LAMC1: variants seen among roughly 807,000 people sequenced by gnomAD.
The protein encoded by LAMC1 is laminin subunit gamma 1, also known as laminin subunit gamma-1.
In LAMC1, 38 loss-of-function variants were observed where a neutral mutation model predicts 173.6. The ratio of observed to expected loss-of-function variants is 0.22; its 90% CI spans 0.17 to 0.29. The LOEUF is 0.29. LAMC1 is among the 10% of genes least tolerant of loss of function. The pLI, the probability that LAMC1 is intolerant of heterozygous loss-of-function variation, is 1.00. For synonymous variants in LAMC1, 746 were observed against 749.1 expected (o/e 1.00, Z 0.07); for missense variants, 1,824 against 2,051.8 (o/e 0.89, Z 2.14).
intron 1 of LAMC1, among the ~76,000 whole-genome samples, chr1:183,047,989 C>G (rs1296964490): frequency 6.6e-6 from 1 of 152,002 alleles, no homozygotes; most frequent in Admixed American, 6.6e-5. Flanking sequence ...CCATCTCTGC[C>G]AACGCTGCCT....
At chr1:183,070,539 C>T (rs1654985044) in intron 1 of LAMC1, among the ~76,000 whole-genome samples, 1 of 152,044 alleles carries the variant, frequency 6.6e-6, no homozygotes, top group African/African-American at 2.4e-5. Flanking sequence ...GGATATACTA[C>T]CATTTGTATT....
intron 6 of LAMC1, among the ~76,000 whole-genome samples, chr1:183,116,374 G>A (rs1207743356): frequency 6.6e-6 from 1 of 151,984 alleles, no homozygotes; most frequent in Non-Finnish European, 1.5e-5. Context: ...CTACTCAGGA[G>A]GCTGAGGCAG....
intron 20 of LAMC1, 48 bp from the exon 21 acceptor site, chr1:183,132,352 C>T: frequency 7.0e-7 from 1 of 1,437,492 alleles, no homozygotes; most frequent in Non-Finnish European, 9.6e-7. Flanking sequence ...TACTTATGTC[C>T]CTATCAGATG....
At chr1:183,133,301 C>A in intron 21 of LAMC1, 105 bp from the exon 22 acceptor site, 1 of 913,216 alleles carries the variant, frequency 1.1e-6, no homozygotes. Context: ...GTAGCATTTC[C>A]TTTGAGGTTT....
intron 1 of LAMC1, among the ~76,000 whole-genome samples, chr1:183,096,345 C>A (rs1178966960): frequency 6.6e-6 from 1 of 152,198 alleles, no homozygotes; most frequent in Non-Finnish European, 1.5e-5. Flanking sequence ...GATAATCATA[C>A]CATTATTTTT....
intron 1 of LAMC1, among the ~76,000 whole-genome samples, chr1:183,100,109 A>G (rs1034979070): frequency 5.9e-5 from 9 of 152,172 alleles, no homozygotes; most frequent in African/African-American, 1.2e-4. Flanking sequence ...GCAGCTCCCT[A>G]TCGCCTTTGT....
chr1:183,077,203 A>C (rs1433476907), intron 1 of LAMC1, among the ~76,000 whole-genome samples: 1 of 152,164 alleles, frequency 6.6e-6, no homozygotes, highest in Non-Finnish European at 1.5e-5. Flanking sequence ...TGCTTGGTGA[A>C]AGTCTTAGGG....
Position 183,023,639 on chromosome 1 carries a change from C to T in LAMC1, c.-78C>T, listed in dbSNP as rs1653595470. 1.9e-6 allele frequency: 2 copies of T among 1,079,084 alleles called. No individual in the cohort carries two copies. Among genetic ancestry groups the T allele is most frequent in the South Asian group, 4.6e-5 (1 of 21,646 alleles). 66.8% of individuals were successfully genotyped at this position (1,079,084 alleles called of 1,614,324 possible). ...CCCCCAGGCTCAAGCAGCGAAGCGG[C>T]CTCCGGGGGACGCCGCTAGGCGAGA... On this transcript the variant is annotated 5_prime_UTR_variant, in exon 1 of 28. Transcript: ENST00000258341.
At position 183,143,662 on chromosome 1, in the gene LAMC1, C is replaced by T. The variant is rs1288874904; in HGVS notation, c.*872C>T. Reference sequence around the variant, plus strand: ...TTCAAAATCAAACTAATTCTTACAGCTTTTTTATTAGTTAGTCTTGGAACT... The same window carrying T: ...TTCAAAATCAAACTAATTCTTACAGTTTTTTTATTAGTTAGTCTTGGAACT... On this transcript the variant is annotated 3_prime_UTR_variant, in exon 28 of 28. Transcript: ENST00000258341. The T allele has an allele frequency of 6.6e-6, 1 of 152,210 alleles. No individual in the cohort carries two copies. The highest frequency in any genetic ancestry group is 1.5e-5 in the Non-Finnish European group (1 of 68,024). The allele number at this position is 152,210 out of a possible 1,614,324, so 9.4% of individuals were successfully genotyped here.
At chr1:183,028,601 A>G (rs1383410498) in intron 1 of LAMC1, among the ~76,000 whole-genome samples, 2 of 152,252 alleles carry the variant, frequency 1.3e-5, no homozygotes, top group Non-Finnish European at 2.9e-5. Context: ...AGTTGATTGC[A>G]TTCGTTCTTG....
In LAMC1 at chr1:183,140,416, G is replaced by A. The variant is rs770435966; in HGVS notation, c.4486G>A (p.Ala1496Thr). The change falls in exon 27 of 28, where the codon GCT becomes ACT. Residue 1496 changes from alanine (A) to threonine (T), a missense_variant. Physicochemically the swap from Ala to Thr is moderately conservative, Grantham distance 58. Coordinates refer to ENST00000258341, the MANE Select transcript of LAMC1 (RefSeq NM_002293.4). ...MMMAGMASQA[A>T]QEAEINARKA... ...TTTTCCCTTACAGGCTTCACAGGCT[G>A]CTCAAGAAGCCGAGATCAATGCCAG... The A allele has an allele frequency of 4.3e-6, 7 of 1,612,126 alleles. No homozygotes were observed. The South Asian group carries it at 7.7e-5, about 18-fold the overall frequency.
intron 6 of LAMC1, among the ~76,000 whole-genome samples, chr1:183,116,071 A>C (rs1420397280): frequency 4.0e-5 from 6 of 149,996 alleles, no homozygotes; most frequent in Non-Finnish European, 5.9e-5. Flanking sequence ...TGGAGCTTGC[A>C]GTGAGCCGAG....
intron 1 of LAMC1, among the ~76,000 whole-genome samples, chr1:183,088,278 G>A (rs1210232959): frequency 6.6e-6 from 1 of 152,210 alleles, no homozygotes; most frequent in African/African-American, 2.4e-5. Flanking sequence ...TTGTTTGGTA[G>A]ATGAGTCAGT....
Position 183,108,347 on chromosome 1 carries a change from C to T in LAMC1, c.795C>T (p.Asn265=), listed in dbSNP as rs112634604. The change falls in exon 3 of 28, where the codon AAC becomes AAT. Residue 265 remains asparagine (N), a synonymous_variant. Transcript: ENST00000258341. ...RLNTFGDEVF[N]DPKVLKSYYY... is the part of the protein sequence containing the mutation. ...ACACTTTTGGAGATGAAGTGTTTAA[C>T]GATCCCAAAGTTCTCAAGTCCTATT... 3.1e-4 allele frequency: 504 copies of T among 1,613,250 alleles called. 3 individuals carry two copies. In the African/African-American group the frequency reaches 5.6e-3, roughly 18 times the overall value.
At chr1:183,107,641 T>C (rs1656016519) in intron 2 of LAMC1, among the ~76,000 whole-genome samples, 2 of 152,012 alleles carry the variant, frequency 1.3e-5, no homozygotes, top group Non-Finnish European at 2.9e-5. Flanking sequence ...CCATCCTGGC[T>C]AACACGGTGA....
chr1:183,113,497 A>G (rs1656223344), intron 4 of LAMC1, among the ~76,000 whole-genome samples: 1 of 152,184 alleles, frequency 6.6e-6, no homozygotes, highest in Non-Finnish European at 1.5e-5. Context: ...AGAATCAATA[A>G]CTCAGAAAAA....
intron 1 of LAMC1, among the ~76,000 whole-genome samples, chr1:183,082,135 A>G (rs1227790817): frequency 1.3e-5 from 2 of 152,240 alleles, no homozygotes; most frequent in Non-Finnish European, 2.9e-5. Flanking sequence ...CCATTCAATT[A>G]CTGAAGGACA....
intron 1 of LAMC1, among the ~76,000 whole-genome samples, chr1:183,042,290 GA>G (rs1312528302): frequency 6.6e-6 from 1 of 152,096 alleles, no homozygotes; most frequent in Non-Finnish European, 1.5e-5. Context: ...TTCCAATTGG[GA>G]AGATATTGAG....
At chr1:183,057,943 A>G (rs1654639671) in intron 1 of LAMC1, among the ~76,000 whole-genome samples, 1 of 152,234 alleles carries the variant, frequency 6.6e-6, no homozygotes, top group South Asian at 2.1e-4. Context: ...TGCATAAGGA[A>G]TTGAATCACA....
Sources: gnomAD v4.1 joint callset for allele counts (sites outside exome capture counted in the v4.1 genomes callset) on GRCh38, gnomAD v4.1.1 for gene constraint, MANE v1.5 for transcripts, NCBI Gene and HGNC (gene_info 2026-07-23, HGNC 2026-07-21) for gene names.